Variants in TARBP1 observed in about 807,000 individuals in gnomAD.
TARBP1 encodes the protein tRNA (guanosine(18)-2'-O)-methyltransferase TARBP1.
Under a neutral mutation model 178.6 loss-of-function variants are expected in TARBP1, and 144 were observed. The observed-to-expected ratio is 0.81, with a 90% CI of 0.70 to 0.93. The LOEUF (loss-of-function observed/expected upper bound fraction) is 0.93. Among genes scored for constraint, TARBP1 ranks in the 40% least tolerant of loss-of-function variants. The pLI is 0.00. For missense variants in TARBP1, 2,067 were observed against 2,011.7 expected (o/e 1.03, Z -0.53); for synonymous variants, 787 against 781.0 (o/e 1.01, Z -0.13).
intron 25 of TARBP1, chr1:234,400,789 T>G (rs1483914228): frequency 1.3e-5 from 2 of 156,374 alleles, no homozygotes; most frequent in African/African-American, 4.8e-5. Flanking sequence ...AAATTGCCAT[T>G]AACAAAAAAG....
chr1:234,420,248 C>A (rs1162158301), intron 21 of TARBP1, among the ~76,000 whole-genome samples: 1 of 152,176 alleles, frequency 6.6e-6, no homozygotes, highest in Non-Finnish European at 1.5e-5. Flanking sequence ...TCACACTATT[C>A]ATGAAGTTAA....
chr1:234,407,794 C>T (rs1661415538), intron 23 of TARBP1: 1 of 152,222 alleles, frequency 6.6e-6, no homozygotes, highest in Non-Finnish European at 1.5e-5. Context: ...TCTCACATCA[C>T]TGTATGTATA....
In TARBP1 at chr1:234,430,306, A is replaced by G; in HGVS notation, c.2395-5T>C. On this transcript the variant is annotated splice_polypyrimidine_tract_variant and splice_region_variant and intron_variant, in intron 14 of 29. Transcript: ENST00000040877. Reference sequence around the variant, plus strand: ...CTGACTTCCAACTGTTGGCTCCTGAAAAGGAAATGTGACAATGTTTTATTT... The same window carrying G: ...CTGACTTCCAACTGTTGGCTCCTGAGAAGGAAATGTGACAATGTTTTATTT... The G allele has an allele frequency of 6.2e-7, 1 of 1,612,332 alleles. No homozygotes were observed. Among genetic ancestry groups the G allele is most frequent in the Non-Finnish European group, 8.5e-7 (1 of 1,179,486 alleles).
rs914745865 is a variant in TARBP1, at chr1:234,391,406, G to A, written c.*171C>T. The A allele has an allele frequency of 2.3e-5, 11 of 483,874 alleles. No homozygotes were observed. The highest frequency in any genetic ancestry group is 1.8e-4 in the African/African-American group (9 of 50,220). 30.0% of individuals were successfully genotyped at this position (483,874 alleles called of 1,614,324 possible). A position where few individuals can be genotyped will look rare whatever the true frequency, so the allele number is the denominator to read the frequency against. ...AATTTAACAAAAAGTGTTTATTAAA[G>A]GGGAAAATATATAGTAATATGTTTA... On this transcript the variant is annotated 3_prime_UTR_variant, in exon 30 of 30. Transcript: ENST00000040877.
chr1:234,436,396 C>T lies in TARBP1; in HGVS notation c.2232+879G>A, dbSNP rs2103157913. ...CACAAAAATTAAAAATAAATAAATG[C>T]CTTCCTAAAAATGTAGGTGTACTAG... is the stretch of plus-strand genomic sequence containing the variant. On this transcript the variant is annotated intron_variant, in intron 13 of 29. Coordinates refer to ENST00000040877, the MANE Select transcript of TARBP1 (RefSeq NM_005646.4). 1.3e-5 allele frequency among the ~76,000 whole-genome samples: 2 copies of T among 152,140 alleles called. 1 individual carries two copies. The highest frequency in any genetic ancestry group is 7.0e-3 in the Middle Eastern group (2 of 284).
At chr1:234,467,325 C>T (rs781584876) in intron 4 of TARBP1, among the ~76,000 whole-genome samples, 177 bp downstream of exon 4, 2 of 152,144 alleles carry the variant, frequency 1.3e-5, no homozygotes, top group African/African-American at 2.4e-5. Flanking sequence ...GCAGTTCTAC[C>T]GTTGGGCTTG....
At chr1:234,437,436 A>T in intron 12 of TARBP1, 64 bp from the exon 13 acceptor site, 1 of 730,624 alleles carries the variant, frequency 1.4e-6, no homozygotes, top group Non-Finnish European at 2.2e-6. Flanking sequence ...AACACACCAG[A>T]TATTCTAGTA....
chr1:234,447,041 T>C (rs933792918), intron 11 of TARBP1, 66 bp from the exon 12 acceptor site: 4 of 1,569,674 alleles, frequency 2.5e-6, no homozygotes, highest in Middle Eastern at 1.7e-4. Context: ...TTCCCACCTA[T>C]AATTGGGTGA....
intron 21 of TARBP1, among the ~76,000 whole-genome samples, chr1:234,419,487 C>G (rs929857092): frequency 1.3e-5 from 2 of 152,140 alleles, no homozygotes; most frequent in Admixed American, 1.3e-4. Context: ...GGAAGACTAT[C>G]ATGAAGGTTA....
In TARBP1 at chr1:234,391,545, A is replaced by C. The variant is rs773241692; in HGVS notation, c.*32T>G. On this transcript the variant is annotated 3_prime_UTR_variant, in exon 30 of 30. Coordinates refer to ENST00000040877, the MANE Select transcript of TARBP1 (RefSeq NM_005646.4). ...AAATAGTTTTTTTTAAAAAAGTCTG[A>C]ACAGCAGCAGCAGTTCACTAAGGAA... The C allele has an allele frequency of 9.0e-6, 14 of 1,558,668 alleles. No individual in the cohort carries two copies. The South Asian group carries it at 1.7e-4, about 19-fold the overall frequency.
chr1:234,468,507 T>C lies in TARBP1; in HGVS notation c.1100-857A>G, dbSNP rs192052111. 8.5e-5 allele frequency among the ~76,000 whole-genome samples: 13 copies of C among 152,290 alleles called. 1 individual carries two copies. In the East Asian group the frequency reaches 1.5e-3, roughly 18 times the overall value. ...GACTGTAAACGAATGCTGTAACTGC[T>C]ACAGTGTACAAAAATTAAATATTAC... On this transcript the variant is annotated intron_variant, in intron 3 of 29. Coordinates refer to ENST00000040877, the MANE Select transcript of TARBP1 (RefSeq NM_005646.4).
Position 234,478,482 on chromosome 1 carries a change from G to T in TARBP1, c.622C>A (p.Arg208=). 7.2e-7 allele frequency: 1 copy of T among 1,380,896 alleles called. No homozygotes were observed. Among genetic ancestry groups the T allele is most frequent in the Non-Finnish European group, 9.4e-7 (1 of 1,064,226 alleles). 85.5% of individuals were successfully genotyped at this position (1,380,896 alleles called of 1,614,324 possible). A position where few individuals can be genotyped will look rare whatever the true frequency, so the allele number is the denominator to read the frequency against. ...VLVQCGGAAL[R]AVWGGLAAPG... is the part of the protein sequence containing the mutation. ...GCGGCCAGCCCGCCCCACACGGCCC[G>T]CAGCGCCGCCCCGCCACATTGGACC... is the stretch of plus-strand genomic sequence containing the variant. Residue 208 remains arginine, a synonymous_variant, in exon 1 of 30, where the codon CGG becomes AGG. Transcript: ENST00000040877.
At chr1:234,443,816 C>T (rs1379997093) in intron 12 of TARBP1, among the ~76,000 whole-genome samples, 1 of 152,018 alleles carries the variant, frequency 6.6e-6, no homozygotes, top group African/African-American at 2.4e-5. Context: ...ATGGATGGAC[C>T]CAGAAGACAT....
intron 12 of TARBP1, among the ~76,000 whole-genome samples, chr1:234,445,292 C>G (rs1255899723): frequency 6.6e-6 from 1 of 152,126 alleles, no homozygotes; most frequent in Non-Finnish European, 1.5e-5. Flanking sequence ...ATTGAAGTCC[C>G]CAAGGTACTT....
chr1:234,427,784 C>T lies in TARBP1; in HGVS notation c.3061-18G>A, dbSNP rs538616479. The stretch of plus-strand genomic sequence containing the variant: ...TACATAATCTGGAATAAAATACAAC[C>T]GTCATTTTATCCTTGATTTAGTTTT... On this transcript the variant is annotated intron_variant, in intron 17 of 29. Transcript: ENST00000040877. The T allele has an allele frequency of 8.7e-6, 12 of 1,384,838 alleles. No homozygotes were observed. Among genetic ancestry groups the T allele is most frequent in the East Asian group, 5.4e-5 (2 of 36,936 alleles). 85.8% of individuals were successfully genotyped at this position (1,384,838 alleles called of 1,614,324 possible). A position where few individuals can be genotyped will look rare whatever the true frequency, so the allele number is the denominator to read the frequency against.
intron 25 of TARBP1, among the ~76,000 whole-genome samples, 188 bp from the exon 26 acceptor site, chr1:234,398,741 G>A (rs1454164580): frequency 6.6e-6 from 1 of 152,046 alleles, no homozygotes; most frequent in Non-Finnish European, 1.5e-5. Context: ...AGAAATTAGG[G>A]GATTAATTTA....
chr1:234,399,408 A>G (rs554858880), intron 25 of TARBP1, among the ~76,000 whole-genome samples: 4 of 152,368 alleles, frequency 2.6e-5, no homozygotes, highest in African/African-American at 9.6e-5. Context: ...GGAACCAAGT[A>G]GGGGGCACCA....
Position 234,406,119 on chromosome 1 carries a change from A to C in TARBP1, c.3793-20T>G. The C allele has an allele frequency of 6.2e-7, 1 of 1,611,116 alleles. No individual in the cohort carries two copies. The highest frequency in any genetic ancestry group is 1.1e-5 in the South Asian group (1 of 90,884). On this transcript the variant is annotated intron_variant, in intron 23 of 29. Coordinates refer to ENST00000040877, the MANE Select transcript of TARBP1 (RefSeq NM_005646.4). ...TAGTTTCTGAAAAGAAAGGCAAAAA[A>C]TTCCTCAAAACACAGACATGGACCA...
Position 234,425,703 on chromosome 1 carries a change from A to G in TARBP1, c.3414T>C (p.Ile1138=), listed in dbSNP as rs756359937. The G allele has an allele frequency of 3.7e-6, 6 of 1,612,036 alleles. No individual in the cohort carries two copies. Among genetic ancestry groups the G allele is most frequent in the Non-Finnish European group, 5.1e-6 (6 of 1,179,304 alleles). The change falls in exon 20 of 30, where the codon ATT becomes ATC. Residue 1138 remains isoleucine, a synonymous_variant. Coordinates refer to ENST00000040877, the MANE Select transcript of TARBP1 (RefSeq NM_005646.4). ...DGSNMSHKLF[I]EDLAIKLLDK... is the part of the protein sequence containing the mutation. ...CTAATAGCTTGATTGCAAGATCCTC[A>G]ATAAACAACTTGTGGGACATATTGG...
Sources: allele counts gnomAD v4.1 joint callset (sites outside exome capture counted in the v4.1 genomes callset), GRCh38; gene constraint gnomAD v4.1.1; transcripts MANE v1.5; gene names NCBI Gene and HGNC (gene_info 2026-07-23, HGNC 2026-07-21).